The following C8orf34 variants were observed in gnomAD, a reference collection of about 807,000 sequenced individuals.
C8orf34 encodes the protein chromosome 8 open reading frame 34.
Under a neutral mutation model 68.3 loss-of-function variants are expected in C8orf34, and 65 were observed. The observed-to-expected ratio is 0.95, with a 90% confidence interval of 0.78 to 1.17. The LOEUF is 1.17. Among genes scored for constraint, C8orf34 ranks in the 50% most tolerant of loss-of-function variants. The pLI is 0.00. For synonymous variants in C8orf34, 244 were observed against 241.2 expected, an observed-to-expected ratio of 1.01 and a Z score of -0.11; for missense variants, 664 against 655.4, an observed-to-expected ratio of 1.01 and a Z score of -0.14.
chr8:68,582,741 C>G (rs538033693), intron 7 of C8orf34, among the ~76,000 whole-genome samples: 37 of 151,904 alleles, frequency 2.4e-4, no homozygotes, highest in Middle Eastern at 3.4e-3. Context: ...TGCTGGGGCC[C>G]CTGTGAAAAA....
chr8:68,394,736 A>T (rs1464288183), intron 1 of C8orf34, among the ~76,000 whole-genome samples: 1 of 152,130 alleles, frequency 6.6e-6, no homozygotes, highest in Non-Finnish European at 1.5e-5. Context: ...TCCGTAATTT[A>T]GTACTAAAAA....
chr8:68,381,504 G>C (rs1295686245), intron 1 of C8orf34, among the ~76,000 whole-genome samples: 1 of 151,214 alleles, frequency 6.6e-6, no homozygotes, highest in Non-Finnish European at 1.5e-5. Context: ...AGGCCGAGGC[G>C]GGTGGATCAT....
intron 5 of C8orf34, among the ~76,000 whole-genome samples, chr8:68,493,289 C>G (rs1813391460): frequency 7.5e-6 from 1 of 133,360 alleles, no homozygotes; most frequent in Non-Finnish European, 1.7e-5. Flanking sequence ...ACAACAAAAA[C>G]TAATTACTCA....
At chr8:68,409,052 G>T (rs938109893) in intron 1 of C8orf34, among the ~76,000 whole-genome samples, 2 of 151,914 alleles carry the variant, frequency 1.3e-5, no homozygotes, top group Admixed American at 6.6e-5. Context: ...CTCCCAAAGT[G>T]CTGGGATTAC....
chr8:68,358,766 C>T (rs1806858206), intron 1 of C8orf34, among the ~76,000 whole-genome samples: 1 of 151,314 alleles, frequency 6.6e-6, no homozygotes, highest in South Asian at 2.1e-4. Context: ...AGTGCAGTGG[C>T]ATGATCTTAG....
At chr8:68,766,058 T>C (rs530234683) in intron 10 of C8orf34, among the ~76,000 whole-genome samples, 4 of 152,338 alleles carry the variant, frequency 2.6e-5, no homozygotes, top group African/African-American at 9.6e-5. Context: ...AACAAACACG[T>C]AATTACTTGT....
At chr8:68,779,052 C>T (rs1439561204) in intron 11 of C8orf34, among the ~76,000 whole-genome samples, 1 of 151,956 alleles carries the variant, frequency 6.6e-6, no homozygotes, top group Non-Finnish European at 1.5e-5. Flanking sequence ...TGGCACACAC[C>T]TATAGTCTCA....
chr8:68,339,461 C>T (rs900847420), intron 1 of C8orf34, among the ~76,000 whole-genome samples: 3 of 148,732 alleles, frequency 2.0e-5, no homozygotes, highest in Non-Finnish European at 4.5e-5. Flanking sequence ...ATATGTAAGA[C>T]CCCTACACTA....
chr8:68,494,907 AATATAT>A (rs889744173), intron 5 of C8orf34, among the ~76,000 whole-genome samples: 1 of 150,454 alleles, frequency 6.6e-6, no homozygotes, highest in Admixed American at 6.6e-5. Context: ...TCTCTCAAAA[AATATAT>A]ATATATCTCA....
At chr8:68,696,138 C>A (rs537480849) in intron 8 of C8orf34, among the ~76,000 whole-genome samples, 1 of 150,760 alleles carries the variant, frequency 6.6e-6, no homozygotes, top group African/African-American at 2.4e-5. Flanking sequence ...TATACTTGAG[C>A]CTGTGTGACA....
intron 12 of C8orf34, among the ~76,000 whole-genome samples, chr8:68,795,322 T>G (rs1254692284): frequency 6.8e-6 from 1 of 146,694 alleles, no homozygotes; most frequent in African/African-American, 2.5e-5. Context: ...TTTTATTGAC[T>G]GCTTTTTTTT....
In C8orf34 at chr8:68,331,536, A is replaced by T. The variant is rs574360067; in HGVS notation, c.327+197A>T. 1.7e-3 allele frequency: 1,111 copies of T among 649,590 alleles called. 9 individuals are homozygous for T. The African/African-American group carries it at 0.018, about 11-fold the overall frequency. The allele number at this position is 649,590 out of a possible 1,614,324, so 40.2% of individuals were successfully genotyped here. On this transcript the variant is annotated intron_variant, in intron 1 of 13. Coordinates refer to ENST00000518698, the MANE Select transcript of C8orf34 (RefSeq NM_052958.4). ...CTGGAACGCGGCCGGGCGGGCACTT[A>T]GCCAGTTACCTGAACGCGGACAGGT...
intron 1 of C8orf34, among the ~76,000 whole-genome samples, chr8:68,395,292 A>T (rs1028954517): frequency 6.6e-6 from 1 of 151,074 alleles, no homozygotes; most frequent in South Asian, 2.1e-4. Flanking sequence ...AAAATATATT[A>T]TGTTTGTTTC....
At chr8:68,809,230 A>G (rs1037720802) in intron 12 of C8orf34, among the ~76,000 whole-genome samples, 2 of 152,178 alleles carry the variant, frequency 1.3e-5, no homozygotes, top group African/African-American at 4.8e-5. Context: ...GTTCTCTGCT[A>G]AATACTTTCT....
rs1386838637 is a variant in C8orf34, at chr8:68,686,154, C to T, written c.1242-22840C>T. Among the ~76,000 whole-genome samples, 10 of 151,806 alleles carry T rather than the reference C, an allele frequency of 6.6e-5. No homozygotes were observed. The East Asian group carries it at 1.9e-3, about 30-fold the overall frequency. ...AATAAAAAAAGATTACCACCACCAC[C>T]AACAACAGAAAAGCCCAGGACCAGA... On this transcript the variant is annotated intron_variant, in intron 8 of 13. Coordinates refer to ENST00000518698, the MANE Select transcript of C8orf34 (RefSeq NM_052958.4).
At chr8:68,694,140 A>C (rs1390780721) in intron 8 of C8orf34, among the ~76,000 whole-genome samples, 1 of 152,108 alleles carries the variant, frequency 6.6e-6, no homozygotes, top group Non-Finnish European at 1.5e-5. Flanking sequence ...ACTTTTAAAA[A>C]TAGGAGGGCG....
At chr8:68,407,231 T>C (rs540700147) in intron 1 of C8orf34, among the ~76,000 whole-genome samples, 1 of 152,192 alleles carries the variant, frequency 6.6e-6, no homozygotes, top group East Asian at 1.9e-4. Flanking sequence ...TTTATCGTTA[T>C]AAAATATCTC....
rs1315433417 is a variant in C8orf34, at chr8:68,624,253, C to G, written c.1106-16123C>G. Among the ~76,000 whole-genome samples the G allele has an allele frequency of 3.1e-5, 4 of 130,598 alleles. No homozygotes were observed. In the South Asian group the frequency reaches 7.1e-4, roughly 23 times the overall value. 85.7% of individuals were successfully genotyped at this position (130,598 alleles called of 152,430 possible). A position where few individuals can be genotyped will look rare whatever the true frequency, so the allele number is the denominator to read the frequency against. ...CGCCATTGCACTCCAGCCTGGGGGA[C>G]AGAGGGAGGCTCTGTCTCAAAAAAA... On this transcript the variant is annotated intron_variant, in intron 7 of 13. Transcript: ENST00000518698.
rs755642982 is a variant in C8orf34 at position 68,446,455 on chromosome 8, A to G, written c.602A>G (p.Lys201Arg). ...SNISPPSPDS[K>R]SLPRSVEHPK... ...ATTTCTCCACCATCACCGGACTCCAAATCATGTAAGGAAGTCTCTTATTCA... is the reference window on the plus strand; with the variant it reads ...ATTTCTCCACCATCACCGGACTCCAGATCATGTAAGGAAGTCTCTTATTCA... Residue 201 changes from lysine to arginine, a missense_variant, in exon 3 of 14, where the codon AAA becomes AGA. Coordinates refer to ENST00000518698, the MANE Select transcript of C8orf34 (RefSeq NM_052958.4). 3.1e-6 allele frequency: 5 copies of G among 1,611,744 alleles called. No homozygotes were observed. The highest frequency in any genetic ancestry group is 4.2e-6 in the Non-Finnish European group (5 of 1,179,220).
Sources: allele counts gnomAD v4.1 joint callset (sites outside exome capture counted in the v4.1 genomes callset), GRCh38; gene constraint gnomAD v4.1.1; transcripts MANE v1.5; gene names NCBI Gene and HGNC (gene_info 2026-07-23, HGNC 2026-07-21).